XRRA1: variants seen among roughly 807,000 people sequenced by gnomAD.
The protein encoded by XRRA1 is X-ray radiation resistance associated 1, also known as X-ray radiation resistance-associated protein 1.
Under a neutral mutation model 80.2 loss-of-function variants are expected in XRRA1, and 69 were observed. The ratio of observed to expected loss-of-function variants is 0.86; its 90% CI spans 0.71 to 1.05. The LOEUF (loss-of-function observed/expected upper bound fraction) is 1.05. Among genes scored for constraint, XRRA1 ranks in the 50% least tolerant of loss-of-function variants. The pLI is 0.00. For missense variants in XRRA1, 967 were observed against 976.4 expected (o/e 0.99, Z 0.13); for synonymous variants, 348 against 389.9 (o/e 0.89, Z 1.27).
chr11:74,921,714 A>G (rs758071374), intron 7 of XRRA1, among the ~76,000 whole-genome samples: 8 of 152,150 alleles, frequency 5.3e-5, no homozygotes, highest in Non-Finnish European at 1.0e-4. Flanking sequence ...AACCTTCTCA[A>G]TTCCCCAGAC....
At chr11:74,929,947 G>C (rs1256577109) in intron 6 of XRRA1, among the ~76,000 whole-genome samples, 1 of 152,150 alleles carries the variant, frequency 6.6e-6, no homozygotes. Flanking sequence ...CTGTGGACTT[G>C]CTGAATAAGA....
chr11:74,849,492 AT>A (rs2039230008), intron 14 of XRRA1, among the ~76,000 whole-genome samples: 1 of 152,192 alleles, frequency 6.6e-6, no homozygotes, highest in South Asian at 2.1e-4. Context: ...GTCTGAATCC[AT>A]GCCACAAGGC....
intron 1 of XRRA1, 144 bp downstream of exon 1, chr11:74,948,784 A>C (rs1470804157): frequency 6.4e-6 from 1 of 155,054 alleles, no homozygotes; most frequent in Non-Finnish European, 1.4e-5. Context: ...AAACAGCTAA[A>C]ATGACAGCTG....
At chr11:74,879,028 G>C (rs1345223343) in intron 10 of XRRA1, among the ~76,000 whole-genome samples, 1 of 145,780 alleles carries the variant, frequency 6.9e-6, no homozygotes, top group African/African-American at 2.6e-5. Flanking sequence ...GATGGGGATG[G>C]CATTGAATCT....
At chr11:74,906,562 T>C (rs2054648351) in intron 9 of XRRA1, 106 bp from the exon 10 acceptor site, 6 of 1,295,814 alleles carry the variant, frequency 4.6e-6, no homozygotes, top group African/African-American at 3.0e-5. Flanking sequence ...TGGATACTTA[T>C]TCCTCTTGTG....
At chr11:74,843,659 G>C (rs1266838221) in intron 18 of XRRA1, 195 bp downstream of exon 18, 8 of 824,074 alleles carry the variant, frequency 9.7e-6, no homozygotes, top group Non-Finnish European at 1.5e-5. Flanking sequence ...CCTGGTTCAG[G>C]ACCTTAACAT....
At chr11:74,860,308 C>T (rs546520478) in intron 11 of XRRA1, among the ~76,000 whole-genome samples, 11 of 152,304 alleles carry the variant, frequency 7.2e-5, no homozygotes, top group East Asian at 5.8e-4. Context: ...ATTTCTGAGA[C>T]GCAAGAGTGG....
intron 8 of XRRA1, 30 bp from the exon 9 acceptor site, chr11:74,907,303 C>G: frequency 6.2e-7 from 1 of 1,612,440 alleles, no homozygotes; most frequent in Non-Finnish European, 8.5e-7. Flanking sequence ...GGGTAATGAG[C>G]AAGGTCGAGG....
chr11:74,933,792 T>C lies in XRRA1; in HGVS notation c.351+9A>G. On this transcript the variant is annotated intron_variant, in intron 5 of 18. Transcript: ENST00000684022. Reference sequence around the variant, plus strand: ...TCACCCCAATCACATCTTTGCTGGCTGACCTCACCTTGGAGAACTTCAGGC... The same window carrying C: ...TCACCCCAATCACATCTTTGCTGGCCGACCTCACCTTGGAGAACTTCAGGC... 6.3e-7 allele frequency: 1 copy of C among 1,580,978 alleles called. No individual in the cohort carries two copies. Among genetic ancestry groups the C allele is most frequent in the African/African-American group, 1.3e-5 (1 of 74,448 alleles).
intron 14 of XRRA1, among the ~76,000 whole-genome samples, chr11:74,850,260 A>C (rs1214257806): frequency 1.3e-5 from 2 of 152,206 alleles, no homozygotes; most frequent in African/African-American, 4.8e-5. Context: ...AGTCCTGGGC[A>C]TGGGGCTCTG....
chr11:74,889,520 A>G (rs188691307), intron 10 of XRRA1, among the ~76,000 whole-genome samples: 6,781 of 152,280 alleles, frequency 0.045, 525 homozygotes, highest in African/African-American at 0.15. Flanking sequence ...ACCAGCTAAC[A>G]TCATAATGAC....
intron 11 of XRRA1, 128 bp from the exon 12 acceptor site, chr11:74,859,411 C>T: frequency 9.7e-7 from 1 of 1,032,406 alleles, no homozygotes; most frequent in South Asian, 1.6e-5. Flanking sequence ...CCAAAAGAGA[C>T]ATGTAGGGTC....
In XRRA1 at chr11:74,848,220, A is replaced by G; in HGVS notation, c.1623T>C (p.His541=). The part of the protein sequence containing the change: ...LPPICSNSTV[H]SEETLSHLSD... ...TCAGGTGGGACAGGGTCTCTTCACT[A>G]TGCACAGTGGAGTTGGAGCAGATGG... is the stretch of plus-strand genomic sequence containing the variant. The change falls in exon 15 of 19, where the codon CAT becomes CAC. Residue 541 remains histidine, a synonymous_variant. Transcript: ENST00000684022. The G allele has an allele frequency of 1.9e-6, 3 of 1,613,854 alleles. No homozygotes were observed. Among genetic ancestry groups the G allele is most frequent in the Non-Finnish European group, 2.5e-6 (3 of 1,179,846 alleles).
intron 7 of XRRA1, among the ~76,000 whole-genome samples, chr11:74,926,448 G>A (rs1034156468): frequency 1.3e-5 from 2 of 152,068 alleles, no homozygotes; most frequent in Admixed American, 6.6e-5. Flanking sequence ...TTCATGACAC[G>A]CACACATTTT....
At chr11:74,947,502 C>G (rs1218177875) in intron 1 of XRRA1, among the ~76,000 whole-genome samples, 1 of 152,036 alleles carries the variant, frequency 6.6e-6, no homozygotes, top group Non-Finnish European at 1.5e-5. Flanking sequence ...CCCACCACTG[C>G]ACTCCAGCCT....
intron 6 of XRRA1, among the ~76,000 whole-genome samples, chr11:74,929,480 T>C (rs1156486262): frequency 6.6e-6 from 1 of 151,708 alleles, no homozygotes; most frequent in Non-Finnish European, 1.5e-5. Flanking sequence ...AGACTCTCTT[T>C]TGCCTGCAGC....
intron 12 of XRRA1, among the ~76,000 whole-genome samples, chr11:74,856,069 C>T (rs555881762): frequency 6.6e-6 from 1 of 152,176 alleles, no homozygotes; most frequent in Non-Finnish European, 1.5e-5. Context: ...GAGGTGGAGG[C>T]TGCAGTGAGC....
rs2036541153 is a variant in XRRA1, at chr11:74,841,515, A to G, written c.*1685T>C. 6.6e-6 allele frequency: 1 copy of G among 152,190 alleles called. No individual in the cohort carries two copies. Among genetic ancestry groups the G allele is most frequent in the Admixed American group, 6.5e-5 (1 of 15,274 alleles). 9.4% of individuals were successfully genotyped at this position (152,190 alleles called of 1,614,324 possible). A position where few individuals can be genotyped will look rare whatever the true frequency, so the allele number is the denominator to read the frequency against. The stretch of plus-strand genomic sequence containing the variant: ...GGATGTGCAGATTGTTCTATGTATT[A>G]TCAGTATTTTTTTCCTCTTAAGAAA... On this transcript the variant is annotated 3_prime_UTR_variant, in exon 19 of 19. Transcript: ENST00000684022.
chr11:74,845,021 T>G, intron 16 of XRRA1, 52 bp downstream of exon 16: 126 of 1,582,764 alleles, frequency 8.0e-5, no homozygotes, highest in Non-Finnish European at 9.8e-5. Context: ...TGACTTGCTC[T>G]GAGCTGTGGA....
Sources: gnomAD v4.1 joint callset for allele counts (sites outside exome capture counted in the v4.1 genomes callset) on GRCh38, gnomAD v4.1.1 for gene constraint, MANE v1.5 for transcripts, NCBI Gene and HGNC (gene_info 2026-07-23, HGNC 2026-07-21) for gene names.